Variants in WDR26 observed in about 807,000 individuals in gnomAD.
WDR26 encodes the protein WD repeat-containing protein 26.
Under a neutral mutation model 84.1 loss-of-function variants are expected in WDR26, and 5 were observed. The ratio of observed to expected loss-of-function variants is 0.06; its 90% CI spans 0.03 to 0.13. WDR26 has a LOEUF of 0.13. WDR26 is among the 10% of genes least tolerant of loss of function. The pLI is 1.00. For missense variants in WDR26, 642 were observed against 974.9 expected, an observed-to-expected ratio of 0.66 and a Z score of 4.55; for synonymous variants, 415 against 389.6, an observed-to-expected ratio of 1.07 and a Z score of -0.77.
rs1674393439 is a variant in WDR26, at chr1:224,431,496, G to A, written c.908C>T (p.Thr303Met). The A allele has an allele frequency of 6.2e-7, 1 of 1,613,820 alleles. No individual in the cohort carries two copies. The highest frequency in any genetic ancestry group is 8.5e-7 in the Non-Finnish European group (1 of 1,179,886). The change falls in exon 3 of 14, where the codon ACG (threonine) becomes ATG (methionine). Residue 303 changes from threonine (T) to methionine (M), a missense_variant. Physicochemically the swap from Thr to Met is moderately conservative, Grantham distance 81. Transcript: ENST00000414423. ...ATTTACCACAATTATTCCCAACAAC[G>A]TTTGAGAGATTTCAAGTGCGCCTCT...
rs746680470 is a variant in WDR26 at position 224,404,416 on chromosome 1, T to C, written c.1599+14A>G. ...CTGTACTTAAAAGCTCAACCAAAGA[T>C]GGAACTCGCTCACTTGTACATTCCA... On this transcript the variant is annotated intron_variant, in intron 8 of 13. Coordinates refer to ENST00000414423, the MANE Select transcript of WDR26 (RefSeq NM_001379403.1). The C allele has an allele frequency of 1.4e-5, 22 of 1,611,698 alleles. No homozygotes were observed. The highest frequency in any genetic ancestry group is 1.9e-5 in the Non-Finnish European group (22 of 1,179,230).
chr1:224,414,287 G>A (rs1378914670), intron 6 of WDR26, among the ~76,000 whole-genome samples: 1 of 151,746 alleles, frequency 6.6e-6, no homozygotes, highest in Non-Finnish European at 1.5e-5. Flanking sequence ...TGTATTTTTA[G>A]TAGAGGCAGG....
At position 224,398,244 on chromosome 1, in the gene WDR26, TAC is replaced by T. The variant is rs1673315121; in HGVS notation, c.1945-20_1945-19del. ...TGAACTCCCTGCAGGCAAAGGAGAA[TAC>T]AGATATTTAATCTGCCTCAACTCAA... On this transcript the variant is annotated intron_variant, in intron 11 of 13. Coordinates refer to ENST00000414423, the MANE Select transcript of WDR26 (RefSeq NM_001379403.1). The T allele has an allele frequency of 6.2e-7, 1 of 1,605,382 alleles. No individual in the cohort carries two copies. Among genetic ancestry groups the T allele is most frequent in the South Asian group, 1.1e-5 (1 of 89,122 alleles).
chr1:224,422,514 G>A (rs1478926843), intron 4 of WDR26, among the ~76,000 whole-genome samples: 3 of 152,160 alleles, frequency 2.0e-5, no homozygotes, highest in Non-Finnish European at 2.9e-5. Context: ...TCAGAAGTTC[G>A]AGACCAGCCT....
rs1410444824 is a variant in WDR26 at position 224,388,524 on chromosome 1, AACTAAAAC to A, written c.*1303_*1310del. ...TTTCCATGAAGGAAACCTTTCCTTA[AACTAAAAC>A]AGGAGGGGAGAGGGAAAGACTATCC... On this transcript the variant is annotated 3_prime_UTR_variant, in exon 14 of 14. Coordinates refer to ENST00000414423, the MANE Select transcript of WDR26 (RefSeq NM_001379403.1). 6.6e-6 allele frequency: 1 copy of A among 152,614 alleles called. No homozygotes were observed. The highest frequency in any genetic ancestry group is 1.5e-5 in the Non-Finnish European group (1 of 68,042). The allele number at this position is 152,614 out of a possible 1,614,324, so 9.5% of individuals were successfully genotyped here. A position where few individuals can be genotyped will look rare whatever the true frequency, so the allele number is the denominator to read the frequency against.
At position 224,403,228 on chromosome 1, in the gene WDR26, T is replaced by A. The variant is rs554013222; in HGVS notation, c.1599+1202A>T. Reference sequence around the variant, plus strand: ...CCACTGCACCTGCTAATTTTTGTAGTTTTAGTAGAGACGGGGTTTCACCAT... The same window carrying A: ...CCACTGCACCTGCTAATTTTTGTAGATTTAGTAGAGACGGGGTTTCACCAT... On this transcript the variant is annotated intron_variant, in intron 8 of 13. Coordinates refer to ENST00000414423, the MANE Select transcript of WDR26 (RefSeq NM_001379403.1). 2.0e-5 allele frequency among the ~76,000 whole-genome samples: 3 copies of A among 152,178 alleles called. No homozygotes were observed. The South Asian group carries it at 6.2e-4, about 32-fold the overall frequency.
chr1:224,407,151 A>AAAAAAAATATATATATATATATATAT, intron 7 of WDR26, among the ~76,000 whole-genome samples: 1 of 11,872 alleles, frequency 8.4e-5, no homozygotes, highest in African/African-American at 3.9e-4. Flanking sequence ...AAAAAAAAAA[A>AAAAAAAATATATATATATATATATAT]ATATATATAT....
intron 4 of WDR26, among the ~76,000 whole-genome samples, chr1:224,424,179 T>C (rs538215076): frequency 2.0e-4 from 31 of 152,368 alleles, no homozygotes; most frequent in Middle Eastern, 6.8e-3. Context: ...ATACTGGAAA[T>C]GTCATTGTTT....
rs1185019261 is a variant in WDR26, at chr1:224,434,758, C to T, written c.-353G>A. ...CTGTCCTCGGATCCGCTCCGCTCTGCTCCCTGGTGTGTTGATTCTTCCCCC... is the reference window on the plus strand; with the variant it reads ...CTGTCCTCGGATCCGCTCCGCTCTGTTCCCTGGTGTGTTGATTCTTCCCCC... On this transcript the variant is annotated 5_prime_UTR_variant, in exon 1 of 14. Coordinates refer to ENST00000414423, the MANE Select transcript of WDR26 (RefSeq NM_001379403.1). 1.0e-5 allele frequency: 10 copies of T among 986,724 alleles called. No individual in the cohort carries two copies. Among genetic ancestry groups the T allele is most frequent in the Admixed American group, 1.2e-4 (2 of 16,256 alleles). 61.1% of individuals were successfully genotyped at this position (986,724 alleles called of 1,614,324 possible). A position where few individuals can be genotyped will look rare whatever the true frequency, so the allele number is the denominator to read the frequency against.
intron 10 of WDR26, 90 bp downstream of exon 10, chr1:224,398,799 A>G: frequency 6.5e-7 from 1 of 1,532,702 alleles, no homozygotes; most frequent in Non-Finnish European, 8.9e-7. Context: ...ACCAAAACGA[A>G]AAACATAAAA....
rs1673997366 is a variant in WDR26 at position 224,419,550 on chromosome 1, G to A, written c.1130C>T (p.Ala377Val). 2.3e-5 allele frequency: 37 copies of A among 1,613,900 alleles called. No individual in the cohort carries two copies. The East Asian group carries it at 8.2e-4, about 36-fold the overall frequency. ...TTTATCCAATAGTTTAGATCGGGAA[G>A]CTGTCCCTTTGCCTTCCCATTCTGC... Residue 377 changes from alanine (A) to valine (V), a missense_variant, in exon 5 of 14, where the codon GCT (alanine) becomes GTT (valine). This residue lies in a region of WDR26 where 351 missense variants were observed against 672.8 expected (regional missense o/e 0.52). Coordinates refer to ENST00000414423, the MANE Select transcript of WDR26 (RefSeq NM_001379403.1).
intron 1 of WDR26, among the ~76,000 whole-genome samples, chr1:224,432,956 A>T (rs1674440812): frequency 6.6e-6 from 1 of 152,200 alleles, no homozygotes; most frequent in Admixed American, 6.5e-5. Flanking sequence ...TGTATTTGAA[A>T]ACAAATGGTT....
Position 224,401,052 on chromosome 1 carries a change from T to C in WDR26, c.1617A>G (p.Thr539=), listed in dbSNP as rs1673398929. 1 of 1,614,068 alleles carries C rather than the reference T, an allele frequency of 6.2e-7. No individual in the cohort carries two copies. Among genetic ancestry groups the C allele is most frequent in the Non-Finnish European group, 8.5e-7 (1 of 1,179,964 alleles). The change falls in exon 9 of 14, where the codon ACA becomes ACG. Residue 539 remains threonine, a synonymous_variant. Coordinates refer to ENST00000414423, the MANE Select transcript of WDR26 (RefSeq NM_001379403.1). Reference sequence around the variant, plus strand: ...TGTCTTCATGAGACTGGCTCATTTTTGTCCTTAGTTCTCCTGTCTATAAGG... The same window carrying C: ...TGTCTTCATGAGACTGGCTCATTTTCGTCCTTAGTTCTCCTGTCTATAAGG...
intron 6 of WDR26, among the ~76,000 whole-genome samples, chr1:224,415,453 C>CTGTTTTTTTTTTTTTTTT (rs1673869088): frequency 1.2e-5 from 1 of 82,340 alleles, no homozygotes; most frequent in African/African-American, 4.9e-5. Flanking sequence ...GTATTTCTTT[C>CTGTTTTTTTTTTTTTTTT]TTTTTTTTTT....
At chr1:224,406,588 T>C (rs1040775099) in intron 7 of WDR26, among the ~76,000 whole-genome samples, 14 of 152,240 alleles carry the variant, frequency 9.2e-5, no homozygotes, top group African/African-American at 3.4e-4. Flanking sequence ...AAATCACCAT[T>C]GTTTTGATAA....
intron 10 of WDR26, 64 bp from the exon 11 acceptor site, chr1:224,398,657 T>C: frequency 7.0e-7 from 1 of 1,427,922 alleles, no homozygotes; most frequent in Non-Finnish European, 9.7e-7. Context: ...AAATTATCAA[T>C]ACATAAGATG....
At chr1:224,389,899 GGGGA>G in intron 13 of WDR26, 39 bp from the exon 14 acceptor site, 1 of 1,255,806 alleles carries the variant, frequency 8.0e-7, no homozygotes, top group Non-Finnish European at 1.1e-6. Context: ...GGGGCGGGCG[GGGGA>G]GGGAAGAGGG....
At chr1:224,431,250 A>AT in intron 3 of WDR26, 3 of 421,792 alleles carry the variant, frequency 7.1e-6, no homozygotes, top group East Asian at 4.0e-5. Context: ...CTTTCAATAT[A>AT]TTTTTTGTAG....
chr1:224,431,168 T>G (rs1674380790), intron 3 of WDR26: 1 of 223,116 alleles, frequency 4.5e-6, no homozygotes, highest in African/African-American at 2.3e-5. Context: ...TTAAGTAACA[T>G]AATAAAAGTA....
Sources: gnomAD v4.1 joint callset for allele counts (sites outside exome capture counted in the v4.1 genomes callset) on GRCh38, gnomAD v4.1.1 for gene constraint, gnomAD v4.1.1 regional missense constraint, MANE v1.5 for transcripts, NCBI Gene and HGNC (gene_info 2026-07-23, HGNC 2026-07-21) for gene names.